The following ZKSCAN2 variants were observed in gnomAD, a reference collection of about 807,000 sequenced individuals.
ZKSCAN2 encodes zinc finger protein with KRAB and SCAN domains 2.
In ZKSCAN2, 38 loss-of-function variants were observed where a neutral mutation model predicts 90.5. The ratio of observed to expected loss-of-function variants is 0.42; its 90% CI spans 0.32 to 0.55. ZKSCAN2 has a LOEUF of 0.55. Ranked by LOEUF, ZKSCAN2 falls within the 20% of genes least tolerant of loss-of-function variation. The pLI is 0.11. For synonymous variants in ZKSCAN2, 429 were observed against 421.6 expected, an observed-to-expected ratio of 1.02 and a Z score of -0.22; for missense variants, 1,167 against 1,202.6, an observed-to-expected ratio of 0.97 and a Z score of 0.44.
rs890035270 is a variant in ZKSCAN2, at chr16:25,238,919, T to C, written c.*897A>G. 3 of 152,324 alleles carry C rather than the reference T, an allele frequency of 2.0e-5. No homozygotes were observed. Among genetic ancestry groups the C allele is most frequent in the Non-Finnish European group, 2.9e-5 (2 of 68,066 alleles). The allele number at this position is 152,324 out of a possible 1,614,324, so 9.4% of individuals were successfully genotyped here. On this transcript the variant is annotated 3_prime_UTR_variant, in exon 7 of 7. Coordinates refer to ENST00000328086, the MANE Select transcript of ZKSCAN2 (RefSeq NM_001012981.5). ...TGTTCTAGATAAGAGCCAGAGAAGT[T>C]AGAGGATAGAACTAGAACGCATCTG...
At position 25,255,287 on chromosome 16, in the gene ZKSCAN2, G is replaced by A. The variant is rs776600069; in HGVS notation, c.505C>T (p.Arg169Trp). The change falls in exon 2 of 7, where the codon CGG becomes TGG. Residue 169 changes from arginine to tryptophan, a missense_variant. Physicochemically the swap from Arg to Trp is moderately radical, Grantham distance 101. Transcript: ENST00000328086. Reference sequence around the variant, plus strand: ...GAGTGGAGGCTTCCAGGTTCCTCCCGAGACACCGCCCTGGGTTGGGTCTCC... The same window carrying A: ...GAGTGGAGGCTTCCAGGTTCCTCCCAAGACACCGCCCTGGGTTGGGTCTCC... ...QVETQPRAVS[R>W]EEPGSLHSGH... 1.2e-5 allele frequency: 20 copies of A among 1,613,716 alleles called. No homozygotes were observed. The highest frequency in any genetic ancestry group is 2.2e-5 in the South Asian group (2 of 91,022).
Position 25,240,273 on chromosome 16 carries a change from G to C in ZKSCAN2, c.2447C>G (p.Ser816Ter). The C allele has an allele frequency of 6.2e-7, 1 of 1,609,890 alleles. No homozygotes were observed. The highest frequency in any genetic ancestry group is 8.5e-7 in the Non-Finnish European group (1 of 1,178,292). The change falls in exon 7 of 7, where the codon TCA becomes TGA. Residue 816 changes from serine to a stop codon, truncating the protein, a stop_gained. Coordinates refer to ENST00000328086, the MANE Select transcript of ZKSCAN2 (RefSeq NM_001012981.5). LOFTEE classifies it high-confidence loss of function. ...GATTCTCTGGTGGGCACCAAAATTT[G>C]AGGAGTCATTAAAGCTTTTTCCACA... ...LDCGKSFNDS[S>*]NFGAHQRIHT...
Position 25,244,023 on chromosome 16 carries a change from G to A in ZKSCAN2, c.1743C>T (p.Ala581=). ...ESCAFYKEMD[A]LINSRASAPS... is the part of the protein sequence containing the mutation. ...GAGCAGATGCCCGAGAGTTAATCAG[G>A]GCATCCATCTCCTTGTAGAACGCGC... Residue 581 remains alanine (A), a synonymous_variant, in exon 6 of 7, where the codon GCC becomes GCT. Coordinates refer to ENST00000328086, the MANE Select transcript of ZKSCAN2 (RefSeq NM_001012981.5). 6.2e-7 allele frequency: 1 copy of A among 1,614,112 alleles called. No homozygotes were observed. Among genetic ancestry groups the A allele is most frequent in the South Asian group, 1.1e-5 (1 of 91,070 alleles).
chr16:25,245,711 A>C (rs1962922557), intron 5 of ZKSCAN2, among the ~76,000 whole-genome samples: 1 of 151,558 alleles, frequency 6.6e-6, no homozygotes, highest in African/African-American at 2.4e-5. Flanking sequence ...AGGAGGTTGC[A>C]GTGAGCCGAG....
Position 25,244,009 on chromosome 16 carries a change from C to G in ZKSCAN2, c.1757G>C (p.Arg586Pro), listed in dbSNP as rs544640469. Residue 586 changes from arginine (R) to proline (P), a missense_variant, in exon 6 of 7, where the codon CGG (arginine) becomes CCG (proline). Physicochemically the swap from Arg to Pro is moderately radical, Grantham distance 103. Coordinates refer to ENST00000328086, the MANE Select transcript of ZKSCAN2 (RefSeq NM_001012981.5). Reference sequence around the variant, plus strand: ...GGTGCTGGGGGAAGGAGCAGATGCCCGAGAGTTAATCAGGGCATCCATCTC... The same window carrying G: ...GGTGCTGGGGGAAGGAGCAGATGCCGGAGAGTTAATCAGGGCATCCATCTC... Reference protein sequence around the residue: ...YKEMDALINSRASAPSPSTPE... With the variant: ...YKEMDALINSPASAPSPSTPE... The G allele has an allele frequency of 1.2e-6, 2 of 1,614,082 alleles. No individual in the cohort carries two copies.
intron 4 of ZKSCAN2, among the ~76,000 whole-genome samples, chr16:25,247,927 G>C (rs1023770104): frequency 2.6e-5 from 4 of 152,144 alleles, no homozygotes; most frequent in African/African-American, 4.8e-5. Flanking sequence ...ACAGAATAGA[G>C]AGCATAGAAG....
In ZKSCAN2 at chr16:25,240,162, T is replaced by C. The variant is rs774051331; in HGVS notation, c.2558A>G (p.His853Arg). 1 of 1,614,110 alleles carries C rather than the reference T, an allele frequency of 6.2e-7. No homozygotes were observed. The highest frequency in any genetic ancestry group is 2.2e-5 in the East Asian group (1 of 44,892). Residue 853 changes from histidine (H) to arginine (R), a missense_variant, in exon 7 of 7, where the codon CAC becomes CGC. Coordinates refer to ENST00000328086, the MANE Select transcript of ZKSCAN2 (RefSeq NM_001012981.5). ...ACACTGATAGGGCTTCTCACCGGTGTGCGTTCTCTGATGTATAATAAGACT... is the reference window on the plus strand; with the variant it reads ...ACACTGATAGGGCTTCTCACCGGTGCGCGTTCTCTGATGTATAATAAGACT... The part of the protein sequence containing the change: ...SSSLIIHQRT[H>R]TGEKPYQCGE...
In ZKSCAN2 at chr16:25,238,277, G is replaced by A. The variant is rs1962798669; in HGVS notation, c.*1539C>T. 6.6e-6 allele frequency: 1 copy of A among 152,252 alleles called. No individual in the cohort carries two copies. The highest frequency in any genetic ancestry group is 1.5e-5 in the Non-Finnish European group (1 of 68,044). The allele number at this position is 152,252 out of a possible 1,614,324, so 9.4% of individuals were successfully genotyped here. On this transcript the variant is annotated 3_prime_UTR_variant, in exon 7 of 7. Coordinates refer to ENST00000328086, the MANE Select transcript of ZKSCAN2 (RefSeq NM_001012981.5). ...TCACCCACAAACAGCCCTAACTCCG[G>A]TTCCCTTCCCATTAAACTTGTGACT... is the stretch of plus-strand genomic sequence containing the variant.
intron 6 of ZKSCAN2, 55 bp from the exon 7 acceptor site, chr16:25,240,793 C>T: frequency 6.7e-7 from 1 of 1,498,686 alleles, no homozygotes; most frequent in South Asian, 1.2e-5. Flanking sequence ...TAACCATAAA[C>T]AACCTGGCTT....
At position 25,240,284 on chromosome 16, in the gene ZKSCAN2, A is replaced by C; in HGVS notation, c.2436T>G (p.Phe812Leu). 6.2e-7 allele frequency: 1 copy of C among 1,614,122 alleles called. No individual in the cohort carries two copies. The highest frequency in any genetic ancestry group is 1.6e-4 in the Middle Eastern group (1 of 6,062). ...GGGCACCAAAATTTGAGGAGTCATTAAAGCTTTTTCCACAGTCAAGACATT... is the reference window on the plus strand; with the variant it reads ...GGGCACCAAAATTTGAGGAGTCATTCAAGCTTTTTCCACAGTCAAGACATT... Reference protein sequence around the residue: ...PFKCLDCGKSFNDSSNFGAHQ... With the variant: ...PFKCLDCGKSLNDSSNFGAHQ... The change falls in exon 7 of 7, where the codon TTT (phenylalanine) becomes TTG (leucine). Residue 812 changes from phenylalanine (F) to leucine (L), a missense_variant. By Grantham distance (22) the Phe-to-Leu change is conservative (BLOSUM62 0). Coordinates refer to ENST00000328086, the MANE Select transcript of ZKSCAN2 (RefSeq NM_001012981.5).
chr16:25,257,636 C>T lies in ZKSCAN2; in HGVS notation c.-509G>A, dbSNP rs936250088. On this transcript the variant is annotated 5_prime_UTR_variant, in exon 1 of 7. Coordinates refer to ENST00000328086, the MANE Select transcript of ZKSCAN2 (RefSeq NM_001012981.5). ...GCCGCCGCGGGTGCCGCTGGGGCCG[C>T]CGGATTCCGAGAGCGGCGCCGGGCT... 1 of 428,338 alleles carries T rather than the reference C, an allele frequency of 2.3e-6. No individual in the cohort carries two copies. Among genetic ancestry groups the T allele is most frequent in the Non-Finnish European group, 3.1e-6 (1 of 321,244 alleles). The allele number at this position is 428,338 out of a possible 1,614,324, so 26.5% of individuals were successfully genotyped here. A position where few individuals can be genotyped will look rare whatever the true frequency, so the allele number is the denominator to read the frequency against.
At chr16:25,253,105 T>C in intron 2 of ZKSCAN2, 68 bp from the exon 3 acceptor site, 1 of 1,209,676 alleles carries the variant, frequency 8.3e-7, no homozygotes, top group South Asian at 1.2e-5. Flanking sequence ...GTCTCTCTTT[T>C]TAAGAGATGA....
Position 25,240,593 on chromosome 16 carries a change from G to T in ZKSCAN2, c.2127C>A (p.Ile709=), listed in dbSNP as rs368835115. The T allele has an allele frequency of 6.2e-7, 1 of 1,614,168 alleles. No individual in the cohort carries two copies. The highest frequency in any genetic ancestry group is 2.2e-5 in the East Asian group (1 of 44,882). Residue 709 remains isoleucine (I), a synonymous_variant, in exon 7 of 7, where the codon ATC becomes ATA. Transcript: ENST00000328086. ...DPSKYRKREC[I]SGRQWENLQG... ...GAAGATTTTCCCATTGTCTTCCTGA[G>T]ATGCATTCCCTTTTGCGATATTTGC...
Position 25,243,919 on chromosome 16 carries a change from G to T in ZKSCAN2, c.1847C>A (p.Pro616His). 2 of 1,614,128 alleles carry T rather than the reference G, an allele frequency of 1.2e-6. No individual in the cohort carries two copies. Among genetic ancestry groups the T allele is most frequent in the Non-Finnish European group, 1.7e-6 (2 of 1,180,026 alleles). The change falls in exon 6 of 7, where the codon CCT (proline) becomes CAT (histidine). Residue 616 changes from proline to histidine, a missense_variant. By Grantham distance (77) the Pro-to-His change is moderately conservative. Coordinates refer to ENST00000328086, the MANE Select transcript of ZKSCAN2 (RefSeq NM_001012981.5). ...GGTCTCTTCAGGTTCCCAGCCTGTA[G>T]GTTCCTGGGGTTCAACCTCAATACC... ...RGGIEVEPQEPTGWEPEETSQ... is the reference protein window; with the variant it reads ...RGGIEVEPQEHTGWEPEETSQ...
At chr16:25,250,956 A>C (rs1340164956) in intron 4 of ZKSCAN2, among the ~76,000 whole-genome samples, 2 of 152,062 alleles carry the variant, frequency 1.3e-5, no homozygotes, top group African/African-American at 4.8e-5. Flanking sequence ...GGGTTTCACC[A>C]TGTTGGTCAT....
intron 6 of ZKSCAN2, 41 bp downstream of exon 6, chr16:25,243,744 A>G: frequency 9.9e-7 from 1 of 1,005,302 alleles, no homozygotes; most frequent in Non-Finnish European, 1.3e-6. Context: ...AATCACACTT[A>G]TTCCTCTTTT....
At chr16:25,251,867 A>G (rs1458850037) in intron 4 of ZKSCAN2, 42 bp downstream of exon 4, 1 of 1,605,602 alleles carries the variant, frequency 6.2e-7, no homozygotes, top group Non-Finnish European at 8.5e-7. Context: ...AATACATTAG[A>G]AAGCTCCAAG....
rs771726233 is a variant in ZKSCAN2 at position 25,240,361 on chromosome 16, T to C, written c.2359A>G (p.Ser787Gly). ...CGVCGKCFGR[S>G]RSLIRHQRIH... Reference sequence around the variant, plus strand: ...CTTTGGTGTCTGATCAGGCTCCTGCTTCTACCAAAGCACTTCCCACAGACA... The same window carrying C: ...CTTTGGTGTCTGATCAGGCTCCTGCCTCTACCAAAGCACTTCCCACAGACA... The change falls in exon 7 of 7, where the codon AGC becomes GGC. Residue 787 changes from serine (S) to glycine (G), a missense_variant. Ser to Gly is a moderately conservative substitution (Grantham distance 56). Coordinates refer to ENST00000328086, the MANE Select transcript of ZKSCAN2 (RefSeq NM_001012981.5). The C allele has an allele frequency of 6.2e-7, 1 of 1,614,076 alleles. No individual in the cohort carries two copies. The highest frequency in any genetic ancestry group is 8.5e-7 in the Non-Finnish European group (1 of 1,180,032).
chr16:25,237,703 G>A lies in ZKSCAN2; in HGVS notation c.*2113C>T, dbSNP rs1454625690. The A allele has an allele frequency of 6.6e-6, 1 of 152,196 alleles. No homozygotes were observed. The highest frequency in any genetic ancestry group is 2.4e-5 in the African/African-American group (1 of 41,434). The allele number at this position is 152,196 out of a possible 1,614,324, so 9.4% of individuals were successfully genotyped here. ...TTCCTTCCTTTTTCTATCATTCACT[G>A]TGGCTAGAACATGGCCTTACATGTA... is the stretch of plus-strand genomic sequence containing the variant. On this transcript the variant is annotated 3_prime_UTR_variant, in exon 7 of 7. Transcript: ENST00000328086.
Sources: allele counts gnomAD v4.1 joint callset (sites outside exome capture counted in the v4.1 genomes callset), GRCh38; gene constraint gnomAD v4.1.1; transcripts MANE v1.5; gene names NCBI Gene and HGNC (gene_info 2026-07-23, HGNC 2026-07-21).